The following ASPH variants were observed in gnomAD, a reference collection of about 807,000 sequenced individuals.
ASPH encodes the protein aspartate beta-hydroxylase, also known as aspartyl/asparaginyl beta-hydroxylase.
ASPH carries 100 observed loss-of-function variants against 118.4 expected under a neutral mutation model. The observed-to-expected ratio is 0.84, with a 90% CI of 0.72 to 1.00. ASPH has a LOEUF of 1.00. ASPH is among the 50% of genes least tolerant of loss of function. The probability of loss-of-function intolerance (pLI) is 0.00; values close to 1 mark genes in which losing one functional copy is unlikely to be tolerated. For synonymous variants in ASPH, 315 were observed against 325.6 expected (o/e 0.97, Z 0.35); for missense variants, 920 against 919.5 (o/e 1.00, Z -0.01).
intron 22 of ASPH, among the ~76,000 whole-genome samples, chr8:61,522,953 C>T (rs566671430): frequency 1.3e-5 from 2 of 152,198 alleles, no homozygotes; most frequent in Non-Finnish European, 2.9e-5. Context: ...GTTAGGGCTT[C>T]AACATATGAA....
At chr8:61,581,619 C>T (rs1837564583) in intron 15 of ASPH, among the ~76,000 whole-genome samples, 1 of 152,180 alleles carries the variant, frequency 6.6e-6, no homozygotes, top group Non-Finnish European at 1.5e-5. Flanking sequence ...TTCTGATGAA[C>T]AATATTAATC....
At chr8:61,632,562 C>A in intron 13 of ASPH, 1 of 333,156 alleles carries the variant, frequency 3.0e-6, no homozygotes, top group South Asian at 2.7e-5. Context: ...AACACAAATA[C>A]ACACTGCCTA....
At chr8:61,664,490 CG>C in intron 3 of ASPH, 2 of 984,644 alleles carry the variant, frequency 2.0e-6, no homozygotes, top group Non-Finnish European at 2.4e-6. Flanking sequence ...CCACAGTTCT[CG>C]GAGCAGTGTA....
In ASPH at chr8:61,567,309, C is replaced by T. The variant is rs1832031187; in HGVS notation, c.1159G>A (p.Asp387Asn). The T allele has an allele frequency of 6.2e-7, 1 of 1,613,662 alleles. No individual in the cohort carries two copies. Among genetic ancestry groups the T allele is most frequent in the African/African-American group, 1.3e-5 (1 of 74,906 alleles). ...TTACTTCTCCTCTTCTCAGCCAAAT[C>T]ATCCTCACACTAGAAGAAGTCCCCA... ...ARYGKAQCED[D>N]LAEKRRSNEV... The change falls in exon 17 of 25, where the codon GAT becomes AAT. Residue 387 changes from aspartate (D) to asparagine (N), a missense_variant. Coordinates refer to ENST00000379454, the MANE Select transcript of ASPH (RefSeq NM_004318.4).
At chr8:61,689,875 A>G (rs766998870) in intron 1 of ASPH, 31 of 1,323,922 alleles carry the variant, frequency 2.3e-5, no homozygotes, top group Non-Finnish European at 2.9e-5. Flanking sequence ...AACTCTGCTC[A>G]CCAGTTATTT....
At chr8:61,688,560 T>C (rs1360102088) in intron 1 of ASPH, among the ~76,000 whole-genome samples, 1 of 152,214 alleles carries the variant, frequency 6.6e-6, no homozygotes, top group African/African-American at 2.4e-5. Flanking sequence ...CTAACTGAAT[T>C]ATAGATCATT....
intron 12 of ASPH, 110 bp downstream of exon 12, chr8:61,637,837 A>G (rs1311207149): frequency 3.9e-6 from 4 of 1,023,552 alleles, no homozygotes. Context: ...TTGTACTCCT[A>G]GCTCCTATGC....
At chr8:61,515,763 C>T (rs913911322) in intron 24 of ASPH, among the ~76,000 whole-genome samples, 2 of 152,214 alleles carry the variant, frequency 1.3e-5, no homozygotes, top group Non-Finnish European at 2.9e-5. Context: ...CCACCCTCCA[C>T]TGTCCAAAGA....
intron 19 of ASPH, among the ~76,000 whole-genome samples, chr8:61,553,400 A>G (rs1826709065): frequency 6.6e-6 from 1 of 152,180 alleles, no homozygotes; most frequent in African/African-American, 2.4e-5. Flanking sequence ...TGTGGGAACA[A>G]TCATATTTCA....
intron 9 of ASPH, 98 bp from the exon 10 acceptor site, chr8:61,643,018 G>T: frequency 9.3e-7 from 1 of 1,075,390 alleles, no homozygotes; most frequent in Non-Finnish European, 1.3e-6. Flanking sequence ...CGTAAACACA[G>T]AACTCTACTC....
chr8:61,550,826 G>T (rs1825738166), intron 20 of ASPH, among the ~76,000 whole-genome samples: 1 of 152,226 alleles, frequency 6.6e-6, no homozygotes, highest in Non-Finnish European at 1.5e-5. Flanking sequence ...ACAAAGACAG[G>T]AGTTAGCACT....
At chr8:61,587,217 G>A (rs560686916) in intron 14 of ASPH, among the ~76,000 whole-genome samples, 11 of 152,264 alleles carry the variant, frequency 7.2e-5, no homozygotes, top group African/African-American at 2.4e-4. Context: ...ATGTGTCTAA[G>A]GCAGAGACTG....
intron 20 of ASPH, among the ~76,000 whole-genome samples, chr8:61,548,961 A>G (rs1413348896): frequency 6.6e-6 from 1 of 152,108 alleles, no homozygotes; most frequent in African/African-American, 2.4e-5. Flanking sequence ...CCTTTAAATG[A>G]TGCCCTCACC....
At chr8:61,697,654 A>C (rs1425244036) in intron 1 of ASPH, among the ~76,000 whole-genome samples, 2 of 152,260 alleles carry the variant, frequency 1.3e-5, no homozygotes, top group African/African-American at 4.8e-5. Flanking sequence ...AAACACATTT[A>C]CTAGTTGATT....
intron 14 of ASPH, among the ~76,000 whole-genome samples, chr8:61,593,921 T>C (rs928111140): frequency 6.6e-6 from 1 of 152,158 alleles, no homozygotes; most frequent in Non-Finnish European, 1.5e-5. Context: ...AATCTTGGTG[T>C]TCTGTTTCTC....
At chr8:61,602,623 T>G (rs1052453883) in intron 14 of ASPH, among the ~76,000 whole-genome samples, 2 of 151,196 alleles carry the variant, frequency 1.3e-5, no homozygotes, top group African/African-American at 4.9e-5. Flanking sequence ...TGTAAACTAA[T>G]GCGTAGGGAC....
At chr8:61,656,617 T>A (rs758353987) in intron 3 of ASPH, 12 of 152,194 alleles carry the variant, frequency 7.9e-5, no homozygotes, top group Non-Finnish European at 1.3e-4. Context: ...TCCACAGCAA[T>A]GGCCACAACA....
At chr8:61,586,690 T>G (rs1017353582) in intron 14 of ASPH, among the ~76,000 whole-genome samples, 1 of 152,196 alleles carries the variant, frequency 6.6e-6, no homozygotes, top group Non-Finnish European at 1.5e-5. Context: ...CCTTGACCCC[T>G]CCACTCTCTC....
chr8:61,548,039 T>A, intron 21 of ASPH, 32 bp downstream of exon 21: 1 of 1,573,452 alleles, frequency 6.4e-7, no homozygotes, highest in Non-Finnish European at 8.6e-7. Context: ...TAGACAAAGA[T>A]CTGGTGAGGA....
Sources: allele counts gnomAD v4.1 joint callset (sites outside exome capture counted in the v4.1 genomes callset), GRCh38; gene constraint gnomAD v4.1.1; transcripts MANE v1.5; gene names NCBI Gene and HGNC (gene_info 2026-07-23, HGNC 2026-07-21).